GRIA3: variants seen among roughly 807,000 people sequenced by gnomAD.
GRIA3 encodes glutamate ionotropic receptor AMPA type subunit 3.
In GRIA3, 3 loss-of-function variants were observed where a neutral mutation model predicts 63.0. That is an observed-to-expected ratio of 0.05 (90% CI 0.02 to 0.12). GRIA3 has a LOEUF of 0.12. Among genes scored for constraint, GRIA3 ranks in the 10% least tolerant of loss-of-function variants. GRIA3 has a pLI of 1.00. For missense variants in GRIA3, 347 were observed against 700.9 expected (o/e 0.50, Z 5.70); for synonymous variants, 274 against 257.9 (o/e 1.06, Z -0.60).
intron 5 of GRIA3, among the ~76,000 whole-genome samples, chrX:123,365,646 G>A (rs1036177067): frequency 1.1e-4 from 12 of 111,615 alleles, no homozygotes; most frequent in Non-Finnish European, 2.1e-4. Context: ...GCACCAACTA[G>A]GAAGCTAGGA....
chrX:123,403,317 T>C, intron 8 of GRIA3, 95 bp from the exon 9 acceptor site: 1 of 669,797 alleles, frequency 1.5e-6, no homozygotes, highest in Non-Finnish European at 2.5e-6. Flanking sequence ...CTTATAGAGC[T>C]CAAGAAAGTT....
At chrX:123,322,562 TTC>T (rs1453531657) in intron 3 of GRIA3, among the ~76,000 whole-genome samples, 2 of 111,530 alleles carry the variant, frequency 1.8e-5, no homozygotes, top group East Asian at 2.8e-4. Context: ...TGTCAAATTT[TTC>T]TCTTTTTTTT....
chrX:123,431,027 TACACACAC>T (rs3050442), intron 12 of GRIA3, among the ~76,000 whole-genome samples: 7 of 99,479 alleles, frequency 7.0e-5, no homozygotes, highest in African/African-American at 1.9e-4. Context: ...GTAACTCACA[TACACACAC>T]ACACACACAC....
intron 2 of GRIA3, among the ~76,000 whole-genome samples, chrX:123,209,213 T>A (rs1162225995): frequency 8.9e-6 from 1 of 111,860 alleles, no homozygotes; most frequent in African/African-American, 3.3e-5. Flanking sequence ...CTTGTACAAG[T>A]CTCAACCTCC....
At chrX:123,200,338 A>G (rs1011366677) in intron 2 of GRIA3, among the ~76,000 whole-genome samples, 28 of 110,219 alleles carry the variant, frequency 2.5e-4, no homozygotes, top group African/African-American at 8.9e-4. Flanking sequence ...GGTAAATTAA[A>G]AATCACCCAA....
intron 3 of GRIA3, among the ~76,000 whole-genome samples, chrX:123,257,609 G>A (rs980079666): frequency 9.0e-6 from 1 of 110,918 alleles, no homozygotes; most frequent in South Asian, 3.8e-4. Flanking sequence ...ATCATCTCTT[G>A]CTTTAGTAAT....
chrX:123,406,576 G>A (rs1385216991), intron 10 of GRIA3, among the ~76,000 whole-genome samples: 1 of 111,611 alleles, frequency 9.0e-6, no homozygotes, highest in East Asian at 2.8e-4. Context: ...GGTAACAAAA[G>A]CAAAGCTGGA....
chrX:123,385,386 G>A (rs761940982), intron 5 of GRIA3, among the ~76,000 whole-genome samples: 1 of 111,871 alleles, frequency 8.9e-6, no homozygotes, highest in East Asian at 2.8e-4. Flanking sequence ...TTTGGTTACG[G>A]TATCCCTGTA....
intron 3 of GRIA3, among the ~76,000 whole-genome samples, chrX:123,259,602 CA>C (rs1156700422): frequency 8.9e-6 from 1 of 111,746 alleles, no homozygotes; most frequent in Non-Finnish European, 1.9e-5. Context: ...GTGATAAGAG[CA>C]ACTGCCATTT....
rs664527 is a variant in GRIA3 at position 123,452,363 on chromosome X, A to C, written c.2077-12502A>C. Among the ~76,000 whole-genome samples, 886 of 99,574 alleles carry C rather than the reference A, an allele frequency of 8.9e-3. 9 individuals are homozygous for C. The highest frequency in any genetic ancestry group is 0.03 in the African/African-American group (771 of 25,769). 86.5% of individuals were successfully genotyped at this position (99,574 alleles called of 115,157 possible). On this transcript the variant is annotated intron_variant, in intron 12 of 15. Transcript: ENST00000620443. ...TTTAGGAAACTAACACTCCCCCCCC[A>C]AAAAAAAAAAACTCTAAATGGAAAA...
At chrX:123,468,497 C>G (rs147175484) in intron 13 of GRIA3, among the ~76,000 whole-genome samples, 5,452 of 111,766 alleles carry the variant, frequency 0.049, 323 homozygotes, top group African/African-American at 0.17. Flanking sequence ...GAGAACAAAC[C>G]CTTTTCAAAT....
intron 5 of GRIA3, among the ~76,000 whole-genome samples, chrX:123,392,167 C>T (rs1173836009): frequency 8.9e-6 from 1 of 112,169 alleles, no homozygotes; most frequent in African/African-American, 3.2e-5. Flanking sequence ...AGCTTGGGAG[C>T]ATGTGCTTTG....
chrX:123,392,901 G>A (rs896839098), intron 5 of GRIA3, among the ~76,000 whole-genome samples: 1 of 111,796 alleles, frequency 8.9e-6, no homozygotes, highest in African/African-American at 3.3e-5. Flanking sequence ...AGTGAGAATG[G>A]AGAGTTGGGT....
chrX:123,425,492 T>A, intron 11 of GRIA3, among the ~76,000 whole-genome samples: 1 of 112,276 alleles, frequency 8.9e-6, no homozygotes, highest in Non-Finnish European at 1.9e-5. Flanking sequence ...GGAATGTTAA[T>A]CTTTTATATA....
In GRIA3 at chrX:123,220,137, T is replaced by G. The variant is rs372060348; in HGVS notation, c.269-33166T>G. The stretch of plus-strand genomic sequence containing the variant: ...TCCTTTACATCTGAAAAGCAGAAAT[T>G]ATCTAGTCCACCTGAGTGCCCTGGG... On this transcript the variant is annotated intron_variant, in intron 2 of 15. Transcript: ENST00000620443. Among the ~76,000 whole-genome samples, 4 of 112,167 alleles carry G rather than the reference T, an allele frequency of 3.6e-5. No individual in the cohort carries two copies. The South Asian group carries it at 1.1e-3, about 32-fold the overall frequency.
intron 7 of GRIA3, among the ~76,000 whole-genome samples, chrX:123,402,331 C>T (rs191361011): frequency 9.1e-6 from 1 of 110,117 alleles, no homozygotes; most frequent in East Asian, 2.8e-4. Context: ...ATATAGCTAG[C>T]ATGTATTCTG....
intron 2 of GRIA3, among the ~76,000 whole-genome samples, chrX:123,208,524 T>C (rs1193212150): frequency 8.9e-6 from 1 of 112,327 alleles, no homozygotes; most frequent in African/African-American, 3.2e-5. Context: ...TTGAGCTGTT[T>C]TGGGGTGTTT....
At chrX:123,258,411 C>G (rs2044431424) in intron 3 of GRIA3, among the ~76,000 whole-genome samples, 1 of 112,354 alleles carries the variant, frequency 8.9e-6, no homozygotes, top group Non-Finnish European at 1.9e-5. Flanking sequence ...TCTGGGATTC[C>G]AGGCACCATG....
chrX:123,259,437 T>C (rs1474590173), intron 3 of GRIA3, among the ~76,000 whole-genome samples: 1 of 109,967 alleles, frequency 9.1e-6, no homozygotes, highest in African/African-American at 3.3e-5. Flanking sequence ...CTTCTCTTTC[T>C]TCGCCTCCTT....
Sources: gnomAD v4.1 joint callset for allele counts (sites outside exome capture counted in the v4.1 genomes callset) on GRCh38, gnomAD v4.1.1 for gene constraint, MANE v1.5 for transcripts, NCBI Gene and HGNC (gene_info 2026-07-23, HGNC 2026-07-21) for gene names.